Variants in KLHL1 observed in about 807,000 individuals in gnomAD.
KLHL1 encodes the protein kelch like family member 1.
KLHL1 carries 47 observed loss-of-function variants against 77.7 expected under a neutral mutation model. That is an observed-to-expected ratio of 0.60 (90% CI 0.48 to 0.77). The LOEUF (loss-of-function observed/expected upper bound fraction) is 0.77, where lower values mean the gene tolerates loss of function less well. Ranked by LOEUF, KLHL1 falls within the 30% of genes least tolerant of loss-of-function variation. The probability of loss-of-function intolerance (pLI) is 0.00; values close to 1 mark genes in which losing one functional copy is unlikely to be tolerated. For missense variants in KLHL1, 925 were observed against 910.8 expected, an observed-to-expected ratio of 1.02 and a Z score of -0.20; for synonymous variants, 360 against 325.2, an observed-to-expected ratio of 1.11 and a Z score of -1.15.
intron 1 of KLHL1, among the ~76,000 whole-genome samples, chr13:70,011,906 C>T (rs1885541995): frequency 6.6e-6 from 1 of 152,150 alleles, no homozygotes; most frequent in South Asian, 2.1e-4. Context: ...AAGAGTTTCA[C>T]GTGGCTGGGA....
chr13:70,010,180 G>A (rs1045090735), intron 1 of KLHL1, among the ~76,000 whole-genome samples: 1 of 152,116 alleles, frequency 6.6e-6, no homozygotes, highest in Non-Finnish European at 1.5e-5. Context: ...GTAGGCCTAG[G>A]TAAGAATTTG....
intron 6 of KLHL1, among the ~76,000 whole-genome samples, chr13:69,810,371 A>AT (rs1487711361): frequency 6.6e-6 from 1 of 152,112 alleles, no homozygotes; most frequent in African/African-American, 2.4e-5. Flanking sequence ...AAAAACAGAC[A>AT]TAAACACTGG....
chr13:70,068,290 G>A (rs112991777), intron 1 of KLHL1, among the ~76,000 whole-genome samples: 7 of 151,882 alleles, frequency 4.6e-5, no homozygotes, highest in Non-Finnish European at 7.4e-5. Flanking sequence ...GCAGTGAGCC[G>A]AGATCGCGCC....
In KLHL1 at chr13:69,763,234, C is replaced by T. The variant is rs1566224764; in HGVS notation, c.1640-22678G>A. 2.0e-5 allele frequency among the ~76,000 whole-genome samples: 3 copies of T among 152,140 alleles called. No individual in the cohort carries two copies. In the South Asian group the frequency reaches 6.2e-4, roughly 31 times the overall value. On this transcript the variant is annotated intron_variant, in intron 7 of 10. Coordinates refer to ENST00000377844, the MANE Select transcript of KLHL1 (RefSeq NM_020866.3). ...GATTACTTACTGGCTGAATAGAAAA[C>T]AATCTGTGCAGTTGCTGACACTTCT...
chr13:69,981,751 C>T (rs138599444), intron 1 of KLHL1, among the ~76,000 whole-genome samples: 2 of 151,252 alleles, frequency 1.3e-5, no homozygotes, highest in African/African-American at 4.9e-5. Flanking sequence ...AACATATAGT[C>T]ATTTTTACAA....
At chr13:69,989,099 C>T (rs925972111) in intron 1 of KLHL1, among the ~76,000 whole-genome samples, 5 of 151,992 alleles carry the variant, frequency 3.3e-5, no homozygotes, top group African/African-American at 1.2e-4. Flanking sequence ...TTATGTTTTA[C>T]ATTTAAGTCT....
intron 4 of KLHL1, among the ~76,000 whole-genome samples, chr13:69,913,387 C>T (rs1263509839): frequency 6.6e-6 from 1 of 152,180 alleles, no homozygotes; most frequent in Admixed American, 6.5e-5. Flanking sequence ...ATGGCCACTG[C>T]TCCTTGCTCA....
chr13:69,974,750 C>A (rs2137290421), intron 2 of KLHL1, among the ~76,000 whole-genome samples: 1 of 152,080 alleles, frequency 6.6e-6, no homozygotes, highest in East Asian at 1.9e-4. Context: ...GAATTATTAA[C>A]TAGATGCTAT....
intron 5 of KLHL1, among the ~76,000 whole-genome samples, chr13:69,846,610 GA>G (rs1011872487): frequency 3.0e-4 from 45 of 151,184 alleles, no homozygotes; most frequent in East Asian, 1.4e-3. Flanking sequence ...ATTTTGGTTA[GA>G]AAAAAATATA....
At chr13:70,028,601 G>A (rs1886013971) in intron 1 of KLHL1, among the ~76,000 whole-genome samples, 1 of 152,080 alleles carries the variant, frequency 6.6e-6, no homozygotes, top group African/African-American at 2.4e-5. Context: ...CAAGGATAAT[G>A]GAAATGCAAT....
intron 4 of KLHL1, among the ~76,000 whole-genome samples, chr13:69,929,740 T>C (rs537805069): frequency 8.2e-4 from 124 of 152,006 alleles, no homozygotes; most frequent in Non-Finnish European, 1.5e-3. Context: ...GTCATATTTT[T>C]GGGTTAAAAC....
rs1386684690 is a variant in KLHL1 at position 69,785,746 on chromosome 13, C to T, written c.1639+10992G>A. Among the ~76,000 whole-genome samples, 13 of 151,950 alleles carry T rather than the reference C, an allele frequency of 8.6e-5. No homozygotes were observed. The East Asian group carries it at 1.4e-3, about 16-fold the overall frequency. On this transcript the variant is annotated intron_variant, in intron 7 of 10. Coordinates refer to ENST00000377844, the MANE Select transcript of KLHL1 (RefSeq NM_020866.3). Reference sequence around the variant, plus strand: ...TGCTTTTTGAAAAGATCAACAAAATCGATAGACTGCTAGCAAGACTAATAA... The same window carrying T: ...TGCTTTTTGAAAAGATCAACAAAATTGATAGACTGCTAGCAAGACTAATAA...
intron 4 of KLHL1, among the ~76,000 whole-genome samples, chr13:69,927,269 T>A (rs966750457): frequency 6.6e-6 from 1 of 151,926 alleles, no homozygotes. Flanking sequence ...TAACTCAAAG[T>A]GAATCAAAGA....
intron 8 of KLHL1, among the ~76,000 whole-genome samples, chr13:69,728,421 T>A (rs557054869): frequency 2.2e-4 from 34 of 151,906 alleles, no homozygotes; most frequent in South Asian, 2.1e-3. Flanking sequence ...GTTTGTTTGT[T>A]TGTTTGTTTG....
intron 3 of KLHL1, among the ~76,000 whole-genome samples, chr13:69,951,370 G>T (rs1421454062): frequency 1.3e-5 from 2 of 151,408 alleles, no homozygotes; most frequent in South Asian, 2.1e-4. Context: ...ATAGAAAGTG[G>T]TAAGTATAAA....
chr13:69,883,498 C>T (rs1439064849), intron 4 of KLHL1, among the ~76,000 whole-genome samples: 4 of 152,338 alleles, frequency 2.6e-5, no homozygotes, highest in African/African-American at 9.6e-5. Context: ...CCTTCACTAT[C>T]CCCTTGCGGT....
In KLHL1 at chr13:69,975,782, G is replaced by A; in HGVS notation, c.518C>T (p.Ser173Leu). ...GTCCAAATCACTTTGAGGTGTCATT[G>A]AATGGCCGGTTGATGACAGCCTATA... ...CGHRLSSTGH[S>L]MTPQSDLDSS... Residue 173 changes from serine to leucine, a missense_variant, in exon 2 of 11, where the codon TCA becomes TTA. Transcript: ENST00000377844. The A allele has an allele frequency of 2.5e-6, 4 of 1,609,070 alleles. No homozygotes were observed. The highest frequency in any genetic ancestry group is 2.2e-5 in the East Asian group (1 of 44,484).
At chr13:69,873,052 C>T (rs1566350663) in intron 5 of KLHL1, among the ~76,000 whole-genome samples, 1 of 152,172 alleles carries the variant, frequency 6.6e-6, no homozygotes, top group Non-Finnish European at 1.5e-5. Flanking sequence ...GAAATTATAA[C>T]TTATTTTTAC....
chr13:69,887,832 T>G (rs1327218079), intron 4 of KLHL1, among the ~76,000 whole-genome samples: 1 of 152,202 alleles, frequency 6.6e-6, no homozygotes, highest in Non-Finnish European at 1.5e-5. Context: ...TACAGTTTGT[T>G]CAAGGCAATA....
Sources: gnomAD v4.1 joint callset for allele counts (sites outside exome capture counted in the v4.1 genomes callset) on GRCh38, gnomAD v4.1.1 for gene constraint, MANE v1.5 for transcripts, NCBI Gene and HGNC (gene_info 2026-07-23, HGNC 2026-07-21) for gene names.